HHIPL1: variants seen among roughly 807,000 people sequenced by gnomAD.
The protein encoded by HHIPL1 is HHIP-like protein 1.
In HHIPL1, 43 loss-of-function variants were observed where a neutral mutation model predicts 61.8. The ratio of observed to expected loss-of-function variants is 0.70; its 90% confidence interval spans 0.55 to 0.90. HHIPL1 has a LOEUF of 0.90. Ranked by LOEUF, HHIPL1 falls within the 40% of genes least tolerant of loss-of-function variation. The pLI is 0.00. For synonymous variants in HHIPL1, 482 were observed against 515.8 expected (o/e 0.93, Z 0.89); for missense variants, 1,056 against 1,157.7 (o/e 0.91, Z 1.28).
At position 99,660,150 on chromosome 14, in the gene HHIPL1, C is replaced by T; in HGVS notation, c.1376-130C>T. 1 of 1,143,782 alleles carries T rather than the reference C, an allele frequency of 8.7e-7. No homozygotes were observed. 70.9% of individuals were successfully genotyped at this position (1,143,782 alleles called of 1,614,324 possible). A position where few individuals can be genotyped will look rare whatever the true frequency, so the allele number is the denominator to read the frequency against. On this transcript the variant is annotated intron_variant, in intron 4 of 8. Transcript: ENST00000330710. The surrounding 1 kb of genome is among the most constrained non-coding windows in gnomAD (Gnocchi z 4.9). ...CCACGCCAGCCCTGCTGTGGGCACG[C>T]CAGCCCTGCTGTGGGCACGCCCCTC...
the HHIPL1 span, among the ~76,000 whole-genome samples, chr14:99,621,550 A>G: frequency 1.8e-4 from 28 of 152,122 alleles, no homozygotes; most frequent in Non-Finnish European, 3.7e-4. Context: ...ATCCTGGTGC[A>G]GGGGCACTGG....
chr14:99,659,466 A>C lies in HHIPL1; in HGVS notation c.1085A>C (p.Asp362Ala), dbSNP rs770837628. ...LLGKVLRIDVDRKERGLPYGI... is the reference protein window; with the variant it reads ...LLGKVLRIDVARKERGLPYGI... ...GGCAAGGTGCTGCGCATCGACGTGG[A>C]CCGTAAGGAGCGCGGCCTGCCCTAC... Residue 362 changes from aspartate to alanine, a missense_variant, in exon 4 of 9, where the codon GAC becomes GCC. By Grantham distance (126) the Asp-to-Ala change is moderately radical (BLOSUM62 -2). Coordinates refer to ENST00000330710, the MANE Select transcript of HHIPL1 (RefSeq NM_001127258.3). 2 of 1,527,110 alleles carry C rather than the reference A, an allele frequency of 1.3e-6. No homozygotes were observed. The highest frequency in any genetic ancestry group is 8.8e-7 in the Non-Finnish European group (1 of 1,142,514). 94.6% of individuals were successfully genotyped at this position (1,527,110 alleles called of 1,614,324 possible). A position where few individuals can be genotyped will look rare whatever the true frequency, so the allele number is the denominator to read the frequency against.
In HHIPL1 at chr14:99,660,426, C is replaced by T. The variant is rs747010648; in HGVS notation, c.1502+20C>T. On this transcript the variant is annotated intron_variant, in intron 5 of 8. Coordinates refer to ENST00000330710, the MANE Select transcript of HHIPL1 (RefSeq NM_001127258.3). The surrounding 1 kb of genome is among the most constrained non-coding windows in gnomAD (Gnocchi z 4.9). ...GAGCGGGTAAGTGACCTAGTGCCCT[C>T]GCGCCCCTGGCTGCTGCCACTGGCT... 6 of 1,602,382 alleles carry T rather than the reference C, an allele frequency of 3.7e-6. No homozygotes were observed. The highest frequency in any genetic ancestry group is 3.4e-5 in the Admixed American group (2 of 59,466).
chr14:99,658,311 C>A (rs4905879), intron 3 of HHIPL1, among the ~76,000 whole-genome samples: 4 of 152,178 alleles, frequency 2.6e-5, no homozygotes, highest in African/African-American at 9.6e-5. Context: ...TGGCATGTGA[C>A]GCGTGGGTTC....
chr14:99,646,791 T>C (rs1490060225), intron 1 of HHIPL1, among the ~76,000 whole-genome samples: 3 of 115,846 alleles, frequency 2.6e-5, no homozygotes, highest in African/African-American at 1.0e-4. Flanking sequence ...TAATATAATA[T>C]AATATGATAT....
chr14:99,648,724 G>A (rs927773143), intron 1 of HHIPL1, among the ~76,000 whole-genome samples: 1 of 152,226 alleles, frequency 6.6e-6, no homozygotes, highest in Admixed American at 6.5e-5. Flanking sequence ...TGGGAGCATG[G>A]AGGACAAGAG....
At position 99,668,612 on chromosome 14, in the gene HHIPL1, T is replaced by C. The variant is rs2056285184; in HGVS notation, c.1730+309T>C. Reference sequence around the variant, plus strand: ...TTGCCTGGCCCGCCCTCCCTGCGTCTTCCTCCTGTCTAGCAGGCCCCTCAT... The same window carrying C: ...TTGCCTGGCCCGCCCTCCCTGCGTCCTCCTCCTGTCTAGCAGGCCCCTCAT... On this transcript the variant is annotated intron_variant, in intron 7 of 8. Transcript: ENST00000330710. The surrounding 1 kb of genome is among the most constrained non-coding windows in gnomAD (Gnocchi z 4.7). Among the ~76,000 whole-genome samples the C allele has an allele frequency of 6.6e-6, 1 of 152,094 alleles. No individual in the cohort carries two copies. Among genetic ancestry groups the C allele is most frequent in the Non-Finnish European group, 1.5e-5 (1 of 67,980 alleles).
At chr14:99,608,777 C>T in the HHIPL1 span, among the ~76,000 whole-genome samples, 18 of 152,336 alleles carry the variant, frequency 1.2e-4, 1 homozygote, top group African/African-American at 3.4e-4. Context: ...CTCACTGATG[C>T]GGTAAGAACC....
chr14:99,611,182 T>G, the HHIPL1 span, among the ~76,000 whole-genome samples: 1 of 152,174 alleles, frequency 6.6e-6, no homozygotes, highest in African/African-American at 2.4e-5. Context: ...CAGGCCAGAG[T>G]GCAATGGTTC....
chr14:99,623,164 C>G, the HHIPL1 span, among the ~76,000 whole-genome samples: 1 of 152,236 alleles, frequency 6.6e-6, no homozygotes, highest in Admixed American at 6.5e-5. Context: ...AAGTTCCCCA[C>G]AGCCCTGCCA....
At chr14:99,609,207 C>CT in the HHIPL1 span, among the ~76,000 whole-genome samples, 1 of 152,200 alleles carries the variant, frequency 6.6e-6, no homozygotes, top group East Asian at 1.9e-4. Flanking sequence ...CCCTGCAACT[C>CT]TATCACTGTC....
intron 6 of HHIPL1, among the ~76,000 whole-genome samples, chr14:99,664,356 C>T (rs1025109859): frequency 6.6e-6 from 1 of 152,188 alleles, no homozygotes; most frequent in Non-Finnish European, 1.5e-5. Flanking sequence ...CCCTCTGGGC[C>T]CTTGAAAGCC....
Position 99,652,602 on chromosome 14 carries a change from GCCGAGCAGGTGGGGCTGGTGTGGGCCT to G in HHIPL1, c.635_661del (p.Ala212_Tyr221delinsAsp). 6.2e-7 allele frequency: 1 copy of G among 1,613,266 alleles called. No homozygotes were observed. ...GGATGGCACCCACCGCTTCTTCGTG[GCCGAGCAGGTGGGGCTGGTGTGGGCCT>G]ACCTGCCCGACCGCTCGAGGCTGGG... On this transcript the variant is annotated inframe_deletion, in exon 2 of 9. Transcript: ENST00000330710.
At chr14:99,620,200 G>A in the HHIPL1 span, among the ~76,000 whole-genome samples, 2 of 152,232 alleles carry the variant, frequency 1.3e-5, no homozygotes, top group Non-Finnish European at 2.9e-5. Flanking sequence ...GAGGTCACAG[G>A]AAACAAGAAA....
intron 1 of HHIPL1, among the ~76,000 whole-genome samples, chr14:99,648,014 T>C (rs60868289): frequency 0.2 from 31,012 of 152,076 alleles, 3,447 homozygotes; most frequent in Middle Eastern, 0.32. Context: ...GAGATCTCCA[T>C]GAAATGTATT....
chr14:99,641,453 GC>G (rs1285634175), upstream of HHIPL1, among the ~76,000 whole-genome samples: 2 of 140,478 alleles, frequency 1.4e-5, no homozygotes, highest in Non-Finnish European at 3.1e-5. Context: ...TCGTTCTGTT[GC>G]CCAGGCTGGA....
chr14:99,672,393 A>G lies in HHIPL1; in HGVS notation c.1807A>G (p.Lys603Glu), dbSNP rs145403455. Residue 603 changes from lysine (K) to glutamate (E), a missense_variant, in exon 8 of 9, where the codon AAA becomes GAA. Transcript: ENST00000330710. The stretch of plus-strand genomic sequence containing the variant: ...AAGCCGTCTCATCCCCTTTGTGCCC[A>G]AAGAAAGTAAGTGCCTGCCAGTGGG... Reference protein sequence around the residue: ...IRSRLIPFVPKEKFIPKTRST... With the variant: ...IRSRLIPFVPEEKFIPKTRST... 729 of 1,550,978 alleles carry G rather than the reference A, an allele frequency of 4.7e-4. 5 individuals carry two copies. In the African/African-American group the frequency reaches 8.7e-3, roughly 18 times the overall value.
Position 99,675,516 on chromosome 14 carries a change from G to T in HHIPL1, c.2239G>T (p.Gly747Cys). ...PILLDDVRCA[G>C]WERNLLECQH... ...TCTGCTGGACGATGTGCGCTGCGCG[G>T]GCTGGGAGCGGAACCTGCTGGAGTG... Residue 747 changes from glycine (G) to cysteine (C), a missense_variant, in exon 9 of 9, where the codon GGC becomes TGC. Coordinates refer to ENST00000330710, the MANE Select transcript of HHIPL1 (RefSeq NM_001127258.3). This position sits in a 1 kb window ranked among gnomAD's most constrained non-coding sequence, Gnocchi z 5.4. 6.5e-7 allele frequency: 1 copy of T among 1,542,514 alleles called. No individual in the cohort carries two copies.
At chr14:99,635,649 C>CTCATTCAT in the HHIPL1 span, among the ~76,000 whole-genome samples, 5 of 151,852 alleles carry the variant, frequency 3.3e-5, no homozygotes, top group Admixed American at 1.3e-4. Flanking sequence ...GTGAGCCCAT[C>CTCATTCAT]TCATTCATTC....
Sources: allele counts gnomAD v4.1 joint callset (sites outside exome capture counted in the v4.1 genomes callset), GRCh38; gene constraint gnomAD v4.1.1; non-coding constraint Gnocchi (gnomAD v3.1); transcripts MANE v1.5; gene names NCBI Gene and HGNC (gene_info 2026-07-23, HGNC 2026-07-21).